The following STT3B variants were observed in gnomAD, a reference collection of about 807,000 sequenced individuals.
The protein encoded by STT3B is STT3 oligosaccharyltransferase complex catalytic subunit B, also known as dolichyl-diphosphooligosaccharide--protein glycosyltransferase subunit STT3B.
Under a neutral mutation model 96.8 loss-of-function variants are expected in STT3B, and 29 were observed. The ratio of observed to expected loss-of-function variants is 0.30; its 90% CI spans 0.22 to 0.41. STT3B has a LOEUF of 0.41. Ranked by LOEUF, STT3B falls within the 10% of genes least tolerant of loss-of-function variation. STT3B has a pLI of 1.00. For synonymous variants in STT3B, 367 were observed against 360.0 expected (o/e 1.02, Z -0.22); for missense variants, 640 against 1,022.3 (o/e 0.63, Z 5.10).
chr3:31,607,761 GGTT>G (rs56378948), intron 5 of STT3B, among the ~76,000 whole-genome samples: 1 of 147,632 alleles, frequency 6.8e-6, no homozygotes, highest in African/African-American at 2.7e-5. Context: ...GGGTTGTTGT[GGTT>G]GTTGTTGTTT....
intron 5 of STT3B, among the ~76,000 whole-genome samples, chr3:31,611,338 A>G (rs1252670315): frequency 6.6e-6 from 1 of 152,162 alleles, no homozygotes; most frequent in Non-Finnish European, 1.5e-5. Context: ...CTTAGAGGGT[A>G]GGATTGATCT....
Position 31,608,540 on chromosome 3 carries a change from C to T in STT3B, c.878-6565C>T, listed in dbSNP as rs555950618. The stretch of plus-strand genomic sequence containing the variant: ...TCCAGTATCTCCTTATATTAAAACT[C>T]GGGATATTTAGAGCAAGGATCTCAC... On this transcript the variant is annotated intron_variant, in intron 5 of 15. Coordinates refer to ENST00000295770, the MANE Select transcript of STT3B (RefSeq NM_178862.3). 5.3e-5 allele frequency among the ~76,000 whole-genome samples: 8 copies of T among 152,258 alleles called. No individual in the cohort carries two copies. In the South Asian group the frequency reaches 6.2e-4, roughly 12 times the overall value.
At chr3:31,559,080 TG>T (rs1202284687) in intron 1 of STT3B, among the ~76,000 whole-genome samples, 1 of 150,840 alleles carries the variant, frequency 6.6e-6, no homozygotes, top group Non-Finnish European at 1.5e-5. Context: ...AGTGCCTTAT[TG>T]GTTTTTTTTT....
At chr3:31,575,888 T>C (rs1429982189) in intron 1 of STT3B, among the ~76,000 whole-genome samples, 1 of 152,080 alleles carries the variant, frequency 6.6e-6, no homozygotes, top group Non-Finnish European at 1.5e-5. Flanking sequence ...GGCCCTGGTT[T>C]CTTCAATTTC....
chr3:31,534,554 G>A (rs1009471955), intron 1 of STT3B, among the ~76,000 whole-genome samples: 1 of 152,184 alleles, frequency 6.6e-6, no homozygotes, highest in Non-Finnish European at 1.5e-5. Flanking sequence ...TTCAAAGAGA[G>A]AGAGTCTTTT....
intron 3 of STT3B, among the ~76,000 whole-genome samples, chr3:31,585,681 G>C (rs1202751262): frequency 6.6e-6 from 1 of 151,908 alleles, no homozygotes; most frequent in Non-Finnish European, 1.5e-5. Context: ...CTGTTTCTCT[G>C]TCTATATAGC....
chr3:31,562,091 G>A (rs553223689), intron 1 of STT3B, among the ~76,000 whole-genome samples: 18 of 152,258 alleles, frequency 1.2e-4, no homozygotes, highest in African/African-American at 2.4e-4. Flanking sequence ...GACAGCGTTC[G>A]TGCATCCAGG....
intron 1 of STT3B, among the ~76,000 whole-genome samples, chr3:31,546,420 T>C (rs374189386): frequency 9.2e-5 from 14 of 152,170 alleles, no homozygotes; most frequent in Admixed American, 7.9e-4. Flanking sequence ...GGCTCCTCCA[T>C]GTGACTGCTT....
At chr3:31,617,291 A>T (rs1186540677) in intron 7 of STT3B, among the ~76,000 whole-genome samples, 4 of 150,214 alleles carry the variant, frequency 2.7e-5, no homozygotes, top group African/African-American at 9.8e-5. Context: ...CCCAAACTAT[A>T]AAAAGAAAAA....
At chr3:31,623,650 A>G (rs531427699) in intron 10 of STT3B, 24 bp from the exon 11 acceptor site, 1 of 1,557,860 alleles carries the variant, frequency 6.4e-7, no homozygotes, top group Admixed American at 1.8e-5. Context: ...GAATTTGTCT[A>G]ACCAATTTTT....
chr3:31,554,807 A>T (rs1363770756), intron 1 of STT3B, among the ~76,000 whole-genome samples: 1 of 152,246 alleles, frequency 6.6e-6, no homozygotes, highest in East Asian at 1.9e-4. Context: ...TATTTTCTCT[A>T]AGATTTTTAT....
intron 10 of STT3B, among the ~76,000 whole-genome samples, chr3:31,622,533 G>C (rs976836740): frequency 3.9e-5 from 6 of 152,158 alleles, no homozygotes; most frequent in African/African-American, 1.2e-4. Context: ...CCTCTTTTTG[G>C]TAATTTGTTA....
At chr3:31,542,171 A>G (rs533203522) in intron 1 of STT3B, among the ~76,000 whole-genome samples, 2 of 152,348 alleles carry the variant, frequency 1.3e-5, no homozygotes, top group Non-Finnish European at 2.9e-5. Context: ...AAGGAGACAA[A>G]TGATAATCAG....
At chr3:31,615,330 A>C in intron 6 of STT3B, 127 bp downstream of exon 6, 2 of 650,058 alleles carry the variant, frequency 3.1e-6, no homozygotes, top group Non-Finnish European at 5.2e-6. Context: ...CTGACTCACA[A>C]TTATGGGAAA....
At chr3:31,590,962 T>C (rs761744597) in intron 3 of STT3B, among the ~76,000 whole-genome samples, 2 of 152,136 alleles carry the variant, frequency 1.3e-5, no homozygotes, top group African/African-American at 2.4e-5. Flanking sequence ...TTCTGCTGTT[T>C]GGAGGTTGCA....
chr3:31,631,082 C>T (rs570029225), intron 14 of STT3B, among the ~76,000 whole-genome samples: 13 of 152,274 alleles, frequency 8.5e-5, no homozygotes, highest in African/African-American at 2.6e-4. Flanking sequence ...CATGAGCCAC[C>T]GCGCCCAGCC....
chr3:31,552,860 T>C (rs560473548), intron 1 of STT3B, among the ~76,000 whole-genome samples: 26 of 151,954 alleles, frequency 1.7e-4, no homozygotes, highest in African/African-American at 5.8e-4. Context: ...TCCCAGCACT[T>C]TGGGAGGCCG....
intron 2 of STT3B, among the ~76,000 whole-genome samples, 155 bp from the exon 3 acceptor site, chr3:31,579,653 GT>G (rs915485220): frequency 4.6e-5 from 7 of 150,578 alleles, no homozygotes; most frequent in South Asian, 4.2e-4. Context: ...AAAGGTGTGG[GT>G]TTTTTTTTGT....
At chr3:31,562,991 G>A (rs1408917898) in intron 1 of STT3B, among the ~76,000 whole-genome samples, 1 of 152,124 alleles carries the variant, frequency 6.6e-6, no homozygotes, top group African/African-American at 2.4e-5. Context: ...AGGATTTTAG[G>A]AGTCCTAGTG....
Sources: allele counts gnomAD v4.1 joint callset (sites outside exome capture counted in the v4.1 genomes callset), GRCh38; gene constraint gnomAD v4.1.1; transcripts MANE v1.5; gene names NCBI Gene and HGNC (gene_info 2026-07-23, HGNC 2026-07-21).